Variants in SLC35E1 observed in about 807,000 individuals in gnomAD.
SLC35E1 encodes solute carrier family 35 member E1.
SLC35E1 carries 12 observed loss-of-function variants against 31.0 expected under a neutral mutation model. The ratio of observed to expected loss-of-function variants is 0.39; its 90% CI spans 0.25 to 0.63. SLC35E1 has a LOEUF of 0.63. Among genes scored for constraint, SLC35E1 ranks in the 20% least tolerant of loss-of-function variants. The probability of loss-of-function intolerance (pLI) is 0.52; values close to 1 mark genes in which losing one functional copy is unlikely to be tolerated. For missense variants in SLC35E1, 429 were observed against 572.2 expected (o/e 0.75, Z 2.55); for synonymous variants, 257 against 264.1 (o/e 0.97, Z 0.26).
Position 16,572,107 on chromosome 19 carries a change from C to A in SLC35E1, c.258G>T (p.Pro86=), listed in dbSNP as rs1444411596. The change falls in exon 1 of 6, where the codon CCG becomes CCT. Residue 86 remains proline (P), a synonymous_variant. Coordinates refer to ENST00000595753, the MANE Select transcript of SLC35E1 (RefSeq NM_024881.5). The surrounding 1 kb of genome is among the most constrained non-coding windows in gnomAD (Gnocchi z 4.1). ...LLRAWRVPPA[P]PVSGPGPSPH... ...GACTGGGTCCGGGGCCCGAGACGGG[C>A]GGCGCGGGGGGCACGCGCCAGGCGC... is the stretch of plus-strand genomic sequence containing the variant. The A allele has an allele frequency of 5.9e-6, 9 of 1,513,036 alleles. No individual in the cohort carries two copies. The highest frequency in any genetic ancestry group is 3.5e-4 in the Middle Eastern group (2 of 5,776). 93.7% of individuals were successfully genotyped at this position (1,513,036 alleles called of 1,614,324 possible).
chr19:16,554,820 GAAAA>G (rs59402960), intron 5 of SLC35E1, among the ~76,000 whole-genome samples: 1 of 60,208 alleles, frequency 1.7e-5, no homozygotes, highest in Non-Finnish European at 3.2e-5. Context: ...ACTCCATCTC[GAAAA>G]AAAAAAAAAA....
In SLC35E1 at chr19:16,555,409, G is replaced by A. The variant is rs375962905; in HGVS notation, c.757-12C>T. The A allele has an allele frequency of 1.7e-4, 272 of 1,612,288 alleles. No homozygotes were observed. Among genetic ancestry groups the A allele is most frequent in the Non-Finnish European group, 2.1e-4 (248 of 1,179,712 alleles). On this transcript the variant is annotated splice_polypyrimidine_tract_variant and intron_variant, in intron 4 of 5. Transcript: ENST00000595753. The surrounding 1 kb of genome is among the most constrained non-coding windows in gnomAD (Gnocchi z 4.1). ...TGGTAGACGTAGGTCTGCAGAGACC[G>A]GAAGGTAAAGACAGCACTTCAGTGG...
In SLC35E1 at chr19:16,555,426, C is replaced by T. The variant is rs767121230; in HGVS notation, c.757-29G>A. 1 of 1,608,042 alleles carries T rather than the reference C, an allele frequency of 6.2e-7. No homozygotes were observed. The highest frequency in any genetic ancestry group is 8.5e-7 in the Non-Finnish European group (1 of 1,176,884). ...CAGAGACCGGAAGGTAAAGACAGCACTTCAGTGGGCAGCGGTGACCCTGCC... is the reference window on the plus strand; with the variant it reads ...CAGAGACCGGAAGGTAAAGACAGCATTTCAGTGGGCAGCGGTGACCCTGCC... On this transcript the variant is annotated intron_variant, in intron 4 of 5. Transcript: ENST00000595753. The surrounding 1 kb of genome is among the most constrained non-coding windows in gnomAD (Gnocchi z 4.1).
At position 16,553,535 on chromosome 19, in the gene SLC35E1, G is replaced by C. The variant is rs1215646652; in HGVS notation, c.*144C>G. 7.0e-6 allele frequency: 5 copies of C among 716,664 alleles called. No homozygotes were observed. Among genetic ancestry groups the C allele is most frequent in the African/African-American group, 3.6e-5 (2 of 55,074 alleles). 44.4% of individuals were successfully genotyped at this position (716,664 alleles called of 1,614,324 possible). On this transcript the variant is annotated 3_prime_UTR_variant, in exon 6 of 6. Coordinates refer to ENST00000595753, the MANE Select transcript of SLC35E1 (RefSeq NM_024881.5). ...ACGCATCCTCCTGCGGCTCACGGGG[G>C]GCCAGGAACCCCAGGGCTTCTGATG...
chr19:16,559,454 T>C (rs1340268556), intron 4 of SLC35E1, among the ~76,000 whole-genome samples: 2 of 107,586 alleles, frequency 1.9e-5, no homozygotes, highest in South Asian at 3.0e-4. Flanking sequence ...ACCTTCTTTC[T>C]ACAAAAAATA....
intron 2 of SLC35E1, among the ~76,000 whole-genome samples, chr19:16,568,793 A>G (rs963085451): frequency 3.9e-5 from 6 of 152,054 alleles, no homozygotes; most frequent in African/African-American, 1.4e-4. Context: ...TGGCCTCCCA[A>G]AGTACTGGGA....
chr19:16,569,797 T>G (rs1220530519), intron 2 of SLC35E1, among the ~76,000 whole-genome samples: 1 of 152,174 alleles, frequency 6.6e-6, no homozygotes, highest in Non-Finnish European at 1.5e-5. Flanking sequence ...TAAGCTGAGA[T>G]CGCACCACGG....
At chr19:16,562,786 C>A (rs557916749) in intron 4 of SLC35E1, among the ~76,000 whole-genome samples, 19 of 152,234 alleles carry the variant, frequency 1.2e-4, no homozygotes, top group African/African-American at 4.3e-4. Context: ...TGGCTCACTG[C>A]AGCTTTGACC....
chr19:16,555,555 T>G lies in SLC35E1; in HGVS notation c.757-158A>C. The G allele has an allele frequency of 1.1e-6, 1 of 900,224 alleles. No homozygotes were observed. Among genetic ancestry groups the G allele is most frequent in the South Asian group, 1.8e-5 (1 of 57,044 alleles). The allele number at this position is 900,224 out of a possible 1,614,324, so 55.8% of individuals were successfully genotyped here. A position where few individuals can be genotyped will look rare whatever the true frequency, so the allele number is the denominator to read the frequency against. On this transcript the variant is annotated intron_variant, in intron 4 of 5. Transcript: ENST00000595753. This position sits in a 1 kb window ranked among gnomAD's most constrained non-coding sequence, Gnocchi z 4.1. ...GTCCAGATGTGTCACCAAGAGACAC[T>G]AGGTGCTTTAGGTCCATGACCTCAG...
At chr19:16,560,795 G>T (rs1192865526) in intron 4 of SLC35E1, among the ~76,000 whole-genome samples, 2 of 148,886 alleles carry the variant, frequency 1.3e-5, no homozygotes, top group South Asian at 4.2e-4. Context: ...CTGGGAGGTG[G>T]AGGTTAGAGT....
chr19:16,566,544 G>A lies in SLC35E1; in HGVS notation c.744C>T (p.Val248=), dbSNP rs1413525491. 5 of 1,612,718 alleles carry A rather than the reference G, an allele frequency of 3.1e-6. No individual in the cohort carries two copies. Among genetic ancestry groups the A allele is most frequent in the Non-Finnish European group, 4.2e-6 (5 of 1,180,034 alleles). ...CTGTACAACTCACCAAGTCGCTGCT[G>A]ACCAGGAAAGCCGAGAGGTCCACCA... ...WVLVDLSAFL[V]SSDLTYVYQW... Residue 248 remains valine (V), a synonymous_variant, in exon 4 of 6, where the codon GTC becomes GTT. Transcript: ENST00000595753.
chr19:16,554,947 C>T (rs188935450), intron 5 of SLC35E1, among the ~76,000 whole-genome samples: 43 of 152,098 alleles, frequency 2.8e-4, no homozygotes, highest in Non-Finnish European at 1.8e-4. Context: ...TGAGACACAG[C>T]CGGAATGATT....
In SLC35E1 at chr19:16,568,116, G is replaced by A. The variant is rs768743893; in HGVS notation, c.546C>T (p.Thr182=). 21 of 1,613,638 alleles carry A rather than the reference G, an allele frequency of 1.3e-5. No homozygotes were observed. Among genetic ancestry groups the A allele is most frequent in the African/African-American group, 2.7e-5 (2 of 74,934 alleles). Residue 182 remains threonine (T), a synonymous_variant, in exon 3 of 6, where the codon ACC becomes ACT. Coordinates refer to ENST00000595753, the MANE Select transcript of SLC35E1 (RefSeq NM_024881.5). ...IISGVLLATV[T]ELSFDMWGLV... is the part of the protein sequence containing the mutation. ...GTCCCCACATGTCAAAAGACAACTC[G>A]GTGACGGTGGCCAGCAGGACACCGC...
Position 16,553,254 on chromosome 19 carries a change from AC to A in SLC35E1, c.*424del. 1 of 153,650 alleles carries A rather than the reference AC, an allele frequency of 6.5e-6. No individual in the cohort carries two copies. Among genetic ancestry groups the A allele is most frequent in the Non-Finnish European group, 1.4e-5 (1 of 69,204 alleles). The allele number at this position is 153,650 out of a possible 1,614,324, so 9.5% of individuals were successfully genotyped here. ...GACGTTCTCAAGCACCGCCCTGGACACCCCCACTGCCAGTTCATGGTCTACA... is the reference window on the plus strand; with the variant it reads ...GACGTTCTCAAGCACCGCCCTGGACACCCCACTGCCAGTTCATGGTCTACA... On this transcript the variant is annotated 3_prime_UTR_variant, in exon 6 of 6. Coordinates refer to ENST00000595753, the MANE Select transcript of SLC35E1 (RefSeq NM_024881.5).
At position 16,555,643 on chromosome 19, in the gene SLC35E1, G is replaced by A; in HGVS notation, c.757-246C>T. 2.0e-6 allele frequency: 1 copy of A among 505,764 alleles called. No individual in the cohort carries two copies. 31.3% of individuals were successfully genotyped at this position (505,764 alleles called of 1,614,324 possible). ...GTCTCCTGCCAAGGAAACAGGTGAA[G>A]CCAGGTCCCCAAAGGGCACCAAGCA... On this transcript the variant is annotated intron_variant, in intron 4 of 5. Coordinates refer to ENST00000595753, the MANE Select transcript of SLC35E1 (RefSeq NM_024881.5). This position sits in a 1 kb window ranked among gnomAD's most constrained non-coding sequence, Gnocchi z 4.1.
At chr19:16,565,200 C>G (rs1158324336) in intron 4 of SLC35E1, 2 of 426,942 alleles carry the variant, frequency 4.7e-6, no homozygotes, top group East Asian at 1.4e-4. Flanking sequence ...CTGAGCTGCA[C>G]AGTTTTCTTT....
intron 4 of SLC35E1, among the ~76,000 whole-genome samples, chr19:16,561,794 G>C (rs2085907778): frequency 6.6e-6 from 1 of 152,184 alleles, no homozygotes; most frequent in Admixed American, 6.5e-5. Flanking sequence ...CAAAGAGGGG[G>C]AACCCAGACA....
chr19:16,566,506 C>A, intron 4 of SLC35E1, 26 bp downstream of exon 4: 1 of 1,611,494 alleles, frequency 6.2e-7, no homozygotes. Context: ...AAGAAAATGG[C>A]GTGTTCTTGG....
chr19:16,555,085 T>C lies in SLC35E1; in HGVS notation c.1002+67A>G. The C allele has an allele frequency of 6.3e-7, 1 of 1,598,336 alleles. No homozygotes were observed. The highest frequency in any genetic ancestry group is 8.5e-7 in the Non-Finnish European group (1 of 1,172,882). On this transcript the variant is annotated intron_variant, in intron 5 of 5. Coordinates refer to ENST00000595753, the MANE Select transcript of SLC35E1 (RefSeq NM_024881.5). The surrounding 1 kb of genome is among the most constrained non-coding windows in gnomAD (Gnocchi z 4.1). ...CAGCCTTGAGCGCCCGGGAGGCCCTTCCTTTTCTGACTTCCTGGGTGTTGG... is the reference window on the plus strand; with the variant it reads ...CAGCCTTGAGCGCCCGGGAGGCCCTCCCTTTTCTGACTTCCTGGGTGTTGG...
Sources: allele counts gnomAD v4.1 joint callset (sites outside exome capture counted in the v4.1 genomes callset), GRCh38; gene constraint gnomAD v4.1.1; non-coding constraint Gnocchi (gnomAD v3.1); transcripts MANE v1.5; gene names NCBI Gene and HGNC (gene_info 2026-07-23, HGNC 2026-07-21).